FAM3C: variants seen among roughly 807,000 people sequenced by gnomAD.
The protein encoded by FAM3C is FAM3 metabolism regulating signaling molecule C, also known as protein FAM3C.
A neutral mutation model predicts 32.5 loss-of-function variants in FAM3C; 15 were observed. That is an observed-to-expected ratio of 0.46 (90% confidence interval 0.31 to 0.71). FAM3C has a LOEUF of 0.71. Ranked by LOEUF, FAM3C falls within the 30% of genes least tolerant of loss-of-function variation. The probability of loss-of-function intolerance (pLI) is 0.05; values close to 1 mark genes in which losing one functional copy is unlikely to be tolerated. For synonymous variants in FAM3C, 75 were observed against 86.1 expected, an observed-to-expected ratio of 0.87 and a Z score of 0.72; for missense variants, 175 against 274.4, an observed-to-expected ratio of 0.64 and a Z score of 2.56.
intron 8 of FAM3C, 64 bp downstream of exon 8, chr7:121,359,979 T>G: frequency 2.3e-6 from 2 of 859,328 alleles, no homozygotes; most frequent in Non-Finnish European, 3.9e-6. Flanking sequence ...TTTTTTTTAA[T>G]GAAAATGTAT....
intron 7 of FAM3C, among the ~76,000 whole-genome samples, chr7:121,361,390 T>C (rs2116889120): frequency 6.6e-6 from 1 of 152,342 alleles, no homozygotes; most frequent in South Asian, 2.1e-4. Context: ...AACAAACTAC[T>C]TCCATTTAAA....
At position 121,350,342 on chromosome 7, in the gene FAM3C, T is replaced by C. The variant is rs1584685941; in HGVS notation, c.*119A>G. 9.9e-7 allele frequency: 1 copy of C among 1,014,390 alleles called. No individual in the cohort carries two copies. Among genetic ancestry groups the C allele is most frequent in the Non-Finnish European group, 1.5e-6 (1 of 670,862 alleles). The allele number at this position is 1,014,390 out of a possible 1,614,324, so 62.8% of individuals were successfully genotyped here. The stretch of plus-strand genomic sequence containing the variant: ...ATAATCCTGATATCAAAAGAGACAA[T>C]ACTCATGCACACACCAAGATGGCTG... On this transcript the variant is annotated 3_prime_UTR_variant, in exon 10 of 10. Coordinates refer to ENST00000359943, the MANE Select transcript of FAM3C (RefSeq NM_014888.3).
At chr7:121,376,984 G>A (rs906778613) in intron 3 of FAM3C, among the ~76,000 whole-genome samples, 1 of 152,138 alleles carries the variant, frequency 6.6e-6, no homozygotes, top group Non-Finnish European at 1.5e-5. Flanking sequence ...ATGTGAAACG[G>A]AGTGATATGG....
chr7:121,385,472 G>A (rs545317012), intron 1 of FAM3C, among the ~76,000 whole-genome samples: 3 of 152,260 alleles, frequency 2.0e-5, no homozygotes, highest in Non-Finnish European at 4.4e-5. Flanking sequence ...TGGAAAGAGC[G>A]CCTGAACTAG....
chr7:121,369,035 AG>A (rs975208678), intron 5 of FAM3C, among the ~76,000 whole-genome samples: 7 of 141,166 alleles, frequency 5.0e-5, no homozygotes, highest in African/African-American at 1.9e-4. Context: ...GCTGCAGTGC[AG>A]TGGTGCGATC....
At chr7:121,373,921 G>A (rs1208047352) in intron 3 of FAM3C, among the ~76,000 whole-genome samples, 3 of 150,890 alleles carry the variant, frequency 2.0e-5, no homozygotes, top group Non-Finnish European at 4.4e-5. Context: ...GCGTGAACCC[G>A]CGAGGTGGAG....
chr7:121,359,135 T>A (rs557084302), intron 8 of FAM3C, among the ~76,000 whole-genome samples: 40 of 149,624 alleles, frequency 2.7e-4, no homozygotes, highest in Non-Finnish European at 4.6e-4. Context: ...GGTAAAAAAA[T>A]TTTTAAAATC....
intron 2 of FAM3C, among the ~76,000 whole-genome samples, chr7:121,381,981 G>C (rs145999516): frequency 2.0e-5 from 3 of 152,242 alleles, no homozygotes; most frequent in African/African-American, 7.2e-5. Context: ...ATTTCTAAGA[G>C]ATGCTCCCTT....
chr7:121,370,252 A>G (rs1562887850), intron 5 of FAM3C, among the ~76,000 whole-genome samples: 1 of 152,232 alleles, frequency 6.6e-6, no homozygotes, highest in Non-Finnish European at 1.5e-5. Context: ...GGAAATCAGT[A>G]CAGACCTTAA....
intron 1 of FAM3C, among the ~76,000 whole-genome samples, chr7:121,387,736 T>C (rs1304111036): frequency 6.6e-6 from 1 of 152,118 alleles, no homozygotes; most frequent in Admixed American, 6.6e-5. Context: ...ATTATGTTCT[T>C]GGGAAAAAAC....
At chr7:121,353,749 G>T (rs1793754942) in intron 8 of FAM3C, among the ~76,000 whole-genome samples, 1 of 152,184 alleles carries the variant, frequency 6.6e-6, no homozygotes, top group East Asian at 1.9e-4. Flanking sequence ...TTTCCCATGT[G>T]TTGTCCTAAC....
chr7:121,385,382 A>C (rs914613501), intron 1 of FAM3C, among the ~76,000 whole-genome samples: 1 of 152,178 alleles, frequency 6.6e-6, no homozygotes, highest in Non-Finnish European at 1.5e-5. Flanking sequence ...CCAGTTGCTA[A>C]TATGTAAGGT....
At chr7:121,372,056 C>T in intron 4 of FAM3C, 54 bp downstream of exon 4, 1 of 1,340,304 alleles carries the variant, frequency 7.5e-7, no homozygotes, top group Non-Finnish European at 1.1e-6. Flanking sequence ...TATAAGCTCT[C>T]ATATGCCTAA....
intron 9 of FAM3C, 39 bp downstream of exon 9, chr7:121,351,103 GA>G (rs1293298409): frequency 6.3e-7 from 1 of 1,583,180 alleles, no homozygotes; most frequent in Non-Finnish European, 8.6e-7. Context: ...AGGTTTCACA[GA>G]ATTTGTTTTT....
At chr7:121,358,840 A>G (rs1793866781) in intron 8 of FAM3C, among the ~76,000 whole-genome samples, 1 of 152,044 alleles carries the variant, frequency 6.6e-6, no homozygotes, top group African/African-American at 2.4e-5. Context: ...CCCTACACTA[A>G]CAAAATTAAA....
At chr7:121,364,222 T>C (rs923669071) in intron 5 of FAM3C, 34 bp from the exon 6 acceptor site, 8 of 1,325,444 alleles carry the variant, frequency 6.0e-6, no homozygotes, top group Non-Finnish European at 6.5e-6. Context: ...AATTTAGAAT[T>C]AAATATTGTA....
chr7:121,348,896 A>C lies in FAM3C; in HGVS notation c.*1565T>G, dbSNP rs527632936. On this transcript the variant is annotated 3_prime_UTR_variant, in exon 10 of 10. Transcript: ENST00000359943. ...GTATTTATTTTCATTATTTTAAAAA[A>C]CTGCAACATTTATTTCACAATCCCT... The C allele has an allele frequency of 6.6e-6, 1 of 152,556 alleles. No homozygotes were observed. The highest frequency in any genetic ancestry group is 1.9e-4 in the East Asian group (1 of 5,190). The allele number at this position is 152,556 out of a possible 1,614,324, so 9.5% of individuals were successfully genotyped here.
chr7:121,360,506 G>T (rs1421124395), intron 7 of FAM3C, among the ~76,000 whole-genome samples: 1 of 152,140 alleles, frequency 6.6e-6, no homozygotes, highest in Non-Finnish European at 1.5e-5. Context: ...GCTTAAGGAG[G>T]CATGGGAGGT....
chr7:121,359,428 T>C (rs1414795730), intron 8 of FAM3C, among the ~76,000 whole-genome samples: 1 of 152,060 alleles, frequency 6.6e-6, no homozygotes, highest in African/African-American at 2.4e-5. Flanking sequence ...AGATATGCTA[T>C]AAATACTAGC....
Sources: gnomAD v4.1 joint callset for allele counts (sites outside exome capture counted in the v4.1 genomes callset) on GRCh38, gnomAD v4.1.1 for gene constraint, MANE v1.5 for transcripts, NCBI Gene and HGNC (gene_info 2026-07-23, HGNC 2026-07-21) for gene names.